FAM13A: variants seen among roughly 807,000 people sequenced by gnomAD.
FAM13A encodes the protein family with sequence similarity 13 member A.
FAM13A carries 76 observed loss-of-function variants against 129.6 expected under a neutral mutation model. The ratio of observed to expected loss-of-function variants is 0.59; its 90% CI spans 0.49 to 0.71. The LOEUF (loss-of-function observed/expected upper bound fraction) is 0.71. FAM13A is among the 30% of genes least tolerant of loss of function. The pLI, the probability that FAM13A is intolerant of heterozygous loss-of-function variation, is 0.00. For missense variants in FAM13A, 1,108 were observed against 1,249.3 expected (o/e 0.89, Z 1.70); for synonymous variants, 443 against 449.9 (o/e 0.98, Z 0.20).
At chr4:88,750,290 A>T in intron 15 of FAM13A, 134 bp downstream of exon 15, 5 of 723,070 alleles carry the variant, frequency 6.9e-6, no homozygotes. Context: ...GTGTCCTAGG[A>T]TGGAGAATTT....
chr4:88,931,750 G>A (rs1399085065), intron 5 of FAM13A, among the ~76,000 whole-genome samples: 2 of 151,930 alleles, frequency 1.3e-5, no homozygotes, highest in East Asian at 3.9e-4. Context: ...TATAACTCAC[G>A]ATCAAAAGAA....
intron 3 of FAM13A, among the ~76,000 whole-genome samples, chr4:88,998,440 T>C (rs1288166302): frequency 6.6e-6 from 1 of 152,176 alleles, no homozygotes. Flanking sequence ...TAGCTATTAT[T>C]GTTATCATTA....
At chr4:88,958,060 G>A (rs879907346) in intron 4 of FAM13A, among the ~76,000 whole-genome samples, 2 of 151,802 alleles carry the variant, frequency 1.3e-5, no homozygotes, top group Admixed American at 1.3e-4. Context: ...GCCTGGCCAA[G>A]CGTCAGAGGG....
At chr4:88,977,919 A>C (rs1474013150) in intron 4 of FAM13A, among the ~76,000 whole-genome samples, 1 of 152,226 alleles carries the variant, frequency 6.6e-6, no homozygotes, top group Non-Finnish European at 1.5e-5. Context: ...ATAATGTATA[A>C]TATCATCTCC....
At chr4:88,832,546 A>C (rs1034790675) in intron 7 of FAM13A, among the ~76,000 whole-genome samples, 3 of 152,162 alleles carry the variant, frequency 2.0e-5, no homozygotes, top group Admixed American at 2.0e-4. Flanking sequence ...CAAGAAAAAA[A>C]CCAACCCCAT....
chr4:89,002,220 T>G (rs1037074077), intron 3 of FAM13A, among the ~76,000 whole-genome samples: 5 of 142,076 alleles, frequency 3.5e-5, no homozygotes, highest in Non-Finnish European at 6.1e-5. Flanking sequence ...CAGAAGAGTA[T>G]GAGATTTTAA....
chr4:88,995,073 T>C (rs35232147), intron 3 of FAM13A, among the ~76,000 whole-genome samples: 102,233 of 150,674 alleles, frequency 0.68, 34,708 homozygotes, highest in Middle Eastern at 0.79. Context: ...CACACACGCA[T>C]CCAAAATGTA....
In FAM13A at chr4:88,781,728, A is replaced by C. The variant is rs1016088897; in HGVS notation, c.1272-377T>G. Among the ~76,000 whole-genome samples the C allele has an allele frequency of 1.1e-4, 17 of 152,050 alleles. No individual in the cohort carries two copies. In the East Asian group the frequency reaches 2.5e-3, roughly 22 times the overall value. On this transcript the variant is annotated intron_variant, in intron 10 of 23. Transcript: ENST00000264344. The stretch of plus-strand genomic sequence containing the variant: ...ATTTATAAATTCATACAGTGTATGG[A>C]GAAAAATCTAAAAAGGAATTGTATC...
intron 5 of FAM13A, among the ~76,000 whole-genome samples, chr4:88,915,939 T>C (rs1433456821): frequency 6.6e-6 from 1 of 151,950 alleles, no homozygotes; most frequent in Non-Finnish European, 1.5e-5. Context: ...CCACCATGAG[T>C]GGAAGCAGCC....
intron 3 of FAM13A, among the ~76,000 whole-genome samples, chr4:89,014,456 G>C (rs571655058): frequency 6.6e-6 from 1 of 152,298 alleles, no homozygotes; most frequent in East Asian, 1.9e-4. Flanking sequence ...TCTTCAATTA[G>C]AAGTTTGGTG....
intron 7 of FAM13A, among the ~76,000 whole-genome samples, chr4:88,822,252 G>GC (rs1296603967): frequency 6.6e-6 from 1 of 152,090 alleles, no homozygotes; most frequent in Non-Finnish European, 1.5e-5. Context: ...CCCTCTCCAT[G>GC]CCTACATTCT....
At chr4:88,881,043 C>G (rs1561239431) in intron 6 of FAM13A, among the ~76,000 whole-genome samples, 1 of 152,190 alleles carries the variant, frequency 6.6e-6, no homozygotes, top group Non-Finnish European at 1.5e-5. Flanking sequence ...TCCACCAGCC[C>G]TGGTAGCTGA....
rs1205354419 is a variant in FAM13A at position 88,938,219 on chromosome 4, T to A, written c.628A>T (p.Met210Leu). 1.2e-6 allele frequency: 2 copies of A among 1,611,200 alleles called. No homozygotes were observed. Among genetic ancestry groups the A allele is most frequent in the Non-Finnish European group, 1.7e-6 (2 of 1,179,076 alleles). The change falls in exon 5 of 24, where the codon ATG (methionine) becomes TTG (leucine). Residue 210 changes from methionine (M) to leucine (L), a missense_variant. Transcript: ENST00000264344. ...TTGTTGCACAGGTCCTGTTCCTTCA[T>A]GCCTTCAAGCCCAGGTGGCACACTA... is the stretch of plus-strand genomic sequence containing the variant. ...CFHVPPGLEG[M>L]KEQDLCNKIM... is the part of the protein sequence containing the mutation.
intron 23 of FAM13A, 149 bp from the exon 24 acceptor site, chr4:88,728,808 G>C (rs1370686203): frequency 1.2e-6 from 1 of 804,924 alleles, no homozygotes; most frequent in African/African-American, 1.7e-5. Flanking sequence ...TCTCAAGACT[G>C]GGGCTGGATT....
intron 4 of FAM13A, among the ~76,000 whole-genome samples, chr4:88,967,016 T>C (rs1460960885): frequency 1.3e-5 from 2 of 152,224 alleles, no homozygotes; most frequent in East Asian, 3.8e-4. Flanking sequence ...GGCTCTTTAC[T>C]AGCCGCATGC....
chr4:88,873,695 C>T (rs1196355258), intron 6 of FAM13A, among the ~76,000 whole-genome samples: 3 of 152,248 alleles, frequency 2.0e-5, no homozygotes, highest in African/African-American at 4.8e-5. Context: ...GATTCACAGC[C>T]GAATTCTTCC....
At chr4:88,900,355 C>T (rs900804781) in intron 6 of FAM13A, among the ~76,000 whole-genome samples, 1 of 151,846 alleles carries the variant, frequency 6.6e-6, no homozygotes, top group African/African-American at 2.4e-5. Context: ...TCAGATCCTC[C>T]AAGGGCAAAA....
chr4:89,010,863 T>G (rs981020604), intron 3 of FAM13A, among the ~76,000 whole-genome samples: 1 of 152,134 alleles, frequency 6.6e-6, no homozygotes, highest in African/African-American at 2.4e-5. Flanking sequence ...TTCTTTTTTT[T>G]TCTGAGATGG....
intron 5 of FAM13A, among the ~76,000 whole-genome samples, chr4:88,918,849 G>A (rs943551436): frequency 6.6e-6 from 1 of 152,160 alleles, no homozygotes; most frequent in Admixed American, 6.5e-5. Flanking sequence ...CAGTTAGATT[G>A]GGAGCCACAT....
Sources: gnomAD v4.1 joint callset for allele counts (sites outside exome capture counted in the v4.1 genomes callset) on GRCh38, gnomAD v4.1.1 for gene constraint, MANE v1.5 for transcripts, NCBI Gene and HGNC (gene_info 2026-07-23, HGNC 2026-07-21) for gene names.